The following TNFSF8 variants were observed in gnomAD, a reference collection of about 807,000 sequenced individuals.
The protein encoded by TNFSF8 is tumor necrosis factor ligand superfamily member 8.
TNFSF8 carries 4 observed loss-of-function variants against 22.0 expected under a neutral mutation model. The observed-to-expected ratio is 0.18, with a 90% confidence interval of 0.09 to 0.42. The LOEUF is 0.42. Among genes scored for constraint, TNFSF8 ranks in the 10% least tolerant of loss-of-function variants. The pLI is 1.00. For synonymous variants in TNFSF8, 106 were observed against 112.5 expected (o/e 0.94, Z 0.37); for missense variants, 233 against 281.8 (o/e 0.83, Z 1.24).
intron 2 of TNFSF8, among the ~76,000 whole-genome samples, chr9:114,917,754 C>T (rs1827937203): frequency 6.6e-6 from 1 of 152,132 alleles, no homozygotes; most frequent in African/African-American, 2.4e-5. Context: ...GTTGAGGCTC[C>T]CCAGTGGGAA....
At chr9:114,926,340 G>T (rs1417665570) in intron 1 of TNFSF8, among the ~76,000 whole-genome samples, 1 of 152,200 alleles carries the variant, frequency 6.6e-6, no homozygotes, top group Non-Finnish European at 1.5e-5. Flanking sequence ...TGAGGCAGGA[G>T]AATGGGGGGA....
chr9:114,923,522 CTT>C (rs1554778310), intron 1 of TNFSF8, among the ~76,000 whole-genome samples: 74 of 89,732 alleles, frequency 8.2e-4, no homozygotes, highest in Non-Finnish European at 1.3e-3. Flanking sequence ...TTCTTTCTTT[CTT>C]TTTTTTTTTT....
At position 114,905,903 on chromosome 9, in the gene TNFSF8, A is replaced by G. The variant is rs1451407604; in HGVS notation, c.239-4T>C. 1.9e-6 allele frequency: 3 copies of G among 1,605,926 alleles called. No individual in the cohort carries two copies. Among genetic ancestry groups the G allele is most frequent in the Non-Finnish European group, 2.6e-6 (3 of 1,172,888 alleles). The stretch of plus-strand genomic sequence containing the variant: ...AAGAGGTCTTCTGAGCAATTTCCTA[A>G]AAATAAGGAGACGATGCATTAAAAT... On this transcript the variant is annotated splice_region_variant and splice_polypyrimidine_tract_variant and intron_variant, in intron 2 of 3. Coordinates refer to ENST00000223795, the MANE Select transcript of TNFSF8 (RefSeq NM_001244.4).
In TNFSF8 at chr9:114,930,492, G is replaced by A. The variant is rs1036751172; in HGVS notation, c.-189C>T. 6 of 461,580 alleles carry A rather than the reference G, an allele frequency of 1.3e-5. No individual in the cohort carries two copies. In the Admixed American group the frequency reaches 2.2e-4, roughly 17 times the overall value. 28.6% of individuals were successfully genotyped at this position (461,580 alleles called of 1,614,324 possible). A position where few individuals can be genotyped will look rare whatever the true frequency, so the allele number is the denominator to read the frequency against. ...TGAGGCGAGAGGCGGCAGCAAGGGT[G>A]GGGGAGAGGTTCATTTTTCATTGCC... is the stretch of plus-strand genomic sequence containing the variant. On this transcript the variant is annotated 5_prime_UTR_variant, in exon 1 of 4. Transcript: ENST00000223795.
intron 1 of TNFSF8, among the ~76,000 whole-genome samples, chr9:114,919,954 C>T (rs1239538924): frequency 6.6e-6 from 1 of 152,186 alleles, no homozygotes; most frequent in Non-Finnish European, 1.5e-5. Flanking sequence ...CATTTGGGCC[C>T]TACCTTCTCA....
At position 114,902,078 on chromosome 9, in the gene TNFSF8, A is replaced by G; in HGVS notation, c.*1853T>C. 1.0e-6 allele frequency: 1 copy of G among 985,370 alleles called. No individual in the cohort carries two copies. Among genetic ancestry groups the G allele is most frequent in the Non-Finnish European group, 1.2e-6 (1 of 829,916 alleles). 61.0% of individuals were successfully genotyped at this position (985,370 alleles called of 1,614,324 possible). ...TCTTTTTTTACTGAAGCATAACATC[A>G]GGGCCTACATTCCATCTCAAACGGC... On this transcript the variant is annotated 3_prime_UTR_variant, in exon 4 of 4. Coordinates refer to ENST00000223795, the MANE Select transcript of TNFSF8 (RefSeq NM_001244.4).
chr9:114,895,149 CTAGTT>C (rs1827643854), intron 4 of TNFSF8, among the ~76,000 whole-genome samples: 1 of 152,234 alleles, frequency 6.6e-6, no homozygotes, highest in Non-Finnish European at 1.5e-5. Flanking sequence ...TTGTTCCTGA[CTAGTT>C]TAGCTGATAT....
At chr9:114,913,612 C>A (rs761781155) in intron 2 of TNFSF8, among the ~76,000 whole-genome samples, 1 of 152,148 alleles carries the variant, frequency 6.6e-6, no homozygotes, top group Non-Finnish European at 1.5e-5. Context: ...GAAGGATTTG[C>A]GGTACTGAGT....
At chr9:114,909,774 G>C (rs35839701) in intron 2 of TNFSF8, among the ~76,000 whole-genome samples, 1 of 152,150 alleles carries the variant, frequency 6.6e-6, no homozygotes, top group Non-Finnish European at 1.5e-5. Context: ...CACACATTCA[G>C]GTTTTCAGAC....
At position 114,903,653 on chromosome 9, in the gene TNFSF8, G is replaced by A. The variant is rs1408211251; in HGVS notation, c.*278C>T. On this transcript the variant is annotated 3_prime_UTR_variant, in exon 4 of 4. Transcript: ENST00000223795. The stretch of plus-strand genomic sequence containing the variant: ...ATCAAGACCATACAGTGAATTAGAG[G>A]TTGGGCTGGGACATCCATTCATCCC... The A allele has an allele frequency of 9.1e-7, 1 of 1,100,120 alleles. No individual in the cohort carries two copies. The highest frequency in any genetic ancestry group is 1.1e-6 in the Non-Finnish European group (1 of 893,364). 68.1% of individuals were successfully genotyped at this position (1,100,120 alleles called of 1,614,324 possible). A position where few individuals can be genotyped will look rare whatever the true frequency, so the allele number is the denominator to read the frequency against.
Position 114,904,280 on chromosome 9 carries a change from C to A in TNFSF8, c.356G>T (p.Gly119Val). 1 of 1,613,282 alleles carries A rather than the reference C, an allele frequency of 6.2e-7. No homozygotes were observed. The highest frequency in any genetic ancestry group is 1.1e-5 in the South Asian group (1 of 90,904). The change falls in exon 4 of 4, where the codon GGC (glycine) becomes GTC (valine). Residue 119 changes from glycine to valine, a missense_variant. Physicochemically the swap from Gly to Val is moderately radical, Grantham distance 109. Transcript: ENST00000223795. Reference sequence around the variant, plus strand: ...CTGATATCTGACTCCATGGAGAATGCCATCTTTGTTCCAAGACAACTTGGT... The same window carrying A: ...CTGATATCTGACTCCATGGAGAATGACATCTTTGTTCCAAGACAACTTGGT... Reference protein sequence around the residue: ...NKTKLSWNKDGILHGVRYQDG... With the variant: ...NKTKLSWNKDVILHGVRYQDG...
intron 2 of TNFSF8, among the ~76,000 whole-genome samples, chr9:114,907,330 C>T (rs150143601): frequency 6.6e-6 from 1 of 152,276 alleles, no homozygotes; most frequent in Non-Finnish European, 1.5e-5. Context: ...CTCATGCATC[C>T]TCTGATCAGT....
At chr9:114,920,090 A>G (rs1469042351) in intron 1 of TNFSF8, among the ~76,000 whole-genome samples, 5 of 152,214 alleles carry the variant, frequency 3.3e-5, no homozygotes, top group Non-Finnish European at 7.3e-5. Context: ...TTATGCATGC[A>G]GTTTGCAGGA....
intron 2 of TNFSF8, among the ~76,000 whole-genome samples, chr9:114,910,661 C>A (rs1418466424): frequency 1.3e-5 from 2 of 152,168 alleles, no homozygotes; most frequent in East Asian, 3.9e-4. Context: ...AGAATGCCAG[C>A]AGATGACTTC....
intron 2 of TNFSF8, among the ~76,000 whole-genome samples, chr9:114,906,698 T>C (rs1827789528): frequency 6.6e-6 from 1 of 152,218 alleles, no homozygotes; most frequent in South Asian, 2.1e-4. Flanking sequence ...CATAATATTA[T>C]GTTATTATGG....
chr9:114,900,102 C>T (rs1469155508), downstream of TNFSF8, among the ~76,000 whole-genome samples: 1 of 152,176 alleles, frequency 6.6e-6, no homozygotes, highest in Non-Finnish European at 1.5e-5. Flanking sequence ...ACTCTACTAT[C>T]TAATTCCTTC....
At chr9:114,905,653 C>A (rs954655344) in intron 3 of TNFSF8, among the ~76,000 whole-genome samples, 175 bp downstream of exon 3, 8 of 152,164 alleles carry the variant, frequency 5.3e-5, no homozygotes, top group Non-Finnish European at 1.2e-4. Context: ...ATGACGCTCT[C>A]CCCGCTAAGA....
intron 1 of TNFSF8, 57 bp from the exon 2 acceptor site, chr9:114,918,195 T>G: frequency 6.7e-7 from 1 of 1,498,778 alleles, no homozygotes; most frequent in Non-Finnish European, 9.0e-7. Flanking sequence ...TGAAACAACT[T>G]TTTTTTTTCT....
chr9:114,920,917 C>A (rs1255971002), intron 1 of TNFSF8, among the ~76,000 whole-genome samples: 1 of 152,166 alleles, frequency 6.6e-6, no homozygotes, highest in Non-Finnish European at 1.5e-5. Flanking sequence ...GATCTGCCCG[C>A]CTGGGCCTCC....
Sources: gnomAD v4.1 joint callset for allele counts (sites outside exome capture counted in the v4.1 genomes callset) on GRCh38, gnomAD v4.1.1 for gene constraint, MANE v1.5 for transcripts, NCBI Gene and HGNC (gene_info 2026-07-23, HGNC 2026-07-21) for gene names.